Variants in NEDD9 observed in about 807,000 individuals in gnomAD.
NEDD9 encodes neural precursor cell expressed, developmentally down-regulated 9.
Under a neutral mutation model 76.6 loss-of-function variants are expected in NEDD9, and 26 were observed. The observed-to-expected ratio is 0.34, with a 90% CI of 0.25 to 0.47. NEDD9 has a LOEUF of 0.47. Ranked by LOEUF, NEDD9 falls within the 20% of genes least tolerant of loss-of-function variation. The pLI is 1.00. For missense variants in NEDD9, 937 were observed against 1,058.5 expected (o/e 0.89, Z 1.59); for synonymous variants, 392 against 414.2 (o/e 0.95, Z 0.65).
intron 3 of NEDD9, among the ~76,000 whole-genome samples, chr6:11,242,642 TTC>T (rs554623367): frequency 7.2e-5 from 11 of 152,230 alleles, no homozygotes; most frequent in Admixed American, 3.3e-4. Context: ...TGCATTTTTT[TTC>T]TCTCCTCTCA....
At chr6:11,353,468 G>A (rs1480530378) in intron 1 of NEDD9, among the ~76,000 whole-genome samples, 3 of 152,204 alleles carry the variant, frequency 2.0e-5, no homozygotes, top group African/African-American at 7.2e-5. Flanking sequence ...GCCCGGGGCT[G>A]CTGGAAGCTG....
chr6:11,277,937 C>T (rs751046713), intron 3 of NEDD9, among the ~76,000 whole-genome samples: 56 of 152,118 alleles, frequency 3.7e-4, no homozygotes, highest in African/African-American at 1.2e-3. Context: ...TGCCTTGCCT[C>T]TTGAGAAGCT....
rs371592773 is a variant in NEDD9, at chr6:11,352,625, G to T, written c.-213-18064C>A. On this transcript the variant is annotated intron_variant, in intron 1 of 3. Coordinates refer to the NEDD9 transcript ENST00000397378. ...AGAGTTTAAATTTTGGCTGAATTATGTAATACTTGTGTGACTTCAGGCAAG... is the reference window on the plus strand; with the variant it reads ...AGAGTTTAAATTTTGGCTGAATTATTTAATACTTGTGTGACTTCAGGCAAG... The T allele has an allele frequency of 7.1e-4, 108 of 152,278 alleles. 1 individual carries two copies. The highest frequency in any genetic ancestry group is 2.4e-3 in the African/African-American group (98 of 41,550). 9.4% of individuals were successfully genotyped at this position (152,278 alleles called of 1,614,324 possible).
chr6:11,357,384 G>T (rs375490735), intron 1 of NEDD9, among the ~76,000 whole-genome samples: 1 of 152,118 alleles, frequency 6.6e-6, no homozygotes, highest in African/African-American at 2.4e-5. Context: ...CACATCTTCC[G>T]TAGTCTGAGA....
intron 2 of NEDD9, among the ~76,000 whole-genome samples, chr6:11,330,930 C>T (rs545412833): frequency 5.9e-5 from 9 of 152,220 alleles, no homozygotes; most frequent in Admixed American, 2.0e-4. Flanking sequence ...CTCCGTAATC[C>T]GTTGTTTATC....
At chr6:11,298,995 T>C (rs934638717) in intron 3 of NEDD9, among the ~76,000 whole-genome samples, 4 of 152,142 alleles carry the variant, frequency 2.6e-5, no homozygotes, top group African/African-American at 7.2e-5. Context: ...GGTTGGACAG[T>C]GGATGCAGCC....
At chr6:11,347,695 G>A (rs1351651096) in intron 1 of NEDD9, among the ~76,000 whole-genome samples, 1 of 152,138 alleles carries the variant, frequency 6.6e-6, no homozygotes, top group East Asian at 1.9e-4. Flanking sequence ...CAAGACCCAC[G>A]TGATCATCTC....
chr6:11,266,960 A>T (rs1760212548), intron 3 of NEDD9, among the ~76,000 whole-genome samples: 1 of 152,370 alleles, frequency 6.6e-6, no homozygotes. Flanking sequence ...ATTGCTGTGA[A>T]TCAGGAGCAA....
At position 11,321,996 on chromosome 6, in the gene NEDD9, G is replaced by A. The variant is rs538034803; in HGVS notation, c.-153+12505C>T. Among the ~76,000 whole-genome samples the A allele has an allele frequency of 1.1e-3, 161 of 152,296 alleles. 1 individual carries two copies. Among genetic ancestry groups the A allele is most frequent in the Non-Finnish European group, 1.6e-3 (109 of 68,020 alleles). On this transcript the variant is annotated intron_variant, in intron 2 of 3. Transcript: ENST00000397378. The stretch of plus-strand genomic sequence containing the variant: ...ATACGCCATGGAATACTATGTAGCC[G>A]TAAAAATGAACAAGTTCATGTCCTT...
chr6:11,322,438 AAC>A (rs1290875028), intron 2 of NEDD9, among the ~76,000 whole-genome samples: 1 of 152,104 alleles, frequency 6.6e-6, no homozygotes, highest in Non-Finnish European at 1.5e-5. Flanking sequence ...AGGCTGCCCA[AAC>A]ACACAGAGGC....
intron 2 of NEDD9, among the ~76,000 whole-genome samples, chr6:11,319,038 C>T (rs749896868): frequency 6.6e-6 from 1 of 152,224 alleles, no homozygotes; most frequent in African/African-American, 2.4e-5. Context: ...TATGTTTCTG[C>T]CTTGTTTTTA....
chr6:11,312,592 C>T (rs1026633498), intron 2 of NEDD9, among the ~76,000 whole-genome samples: 3 of 151,870 alleles, frequency 2.0e-5, no homozygotes, highest in Non-Finnish European at 4.4e-5. Context: ...AGTTCCCAAT[C>T]TCTAAACTTT....
intron 1 of NEDD9, among the ~76,000 whole-genome samples, chr6:11,218,817 C>T (rs1471938381): frequency 4.6e-5 from 7 of 152,130 alleles, no homozygotes; most frequent in Non-Finnish European, 8.8e-5. Flanking sequence ...CTATGGGAGA[C>T]AGACAGCAGG....
intron 3 of NEDD9, among the ~76,000 whole-genome samples, chr6:11,297,421 T>C (rs1374537181): frequency 6.6e-6 from 1 of 152,100 alleles, no homozygotes; most frequent in African/African-American, 2.4e-5. Context: ...CTTTTAAGAG[T>C]ATTTATGAGT....
chr6:11,199,637 C>CTTTTTTTTTTTTTTTTTTTTTTTTTT lies in NEDD9; in HGVS notation c.460-5971_460-5946dup, dbSNP rs59651160. 9.3e-5 allele frequency: 4 copies of CTTTTTTTTTTTTTTTTTTTTTTTTTT among 43,110 alleles called. 1 individual carries two copies. The highest frequency in any genetic ancestry group is 8.6e-5 in the Non-Finnish European group (2 of 23,372). The allele number at this position is 43,110 out of a possible 1,614,324, so 2.7% of individuals were successfully genotyped here. On this transcript the variant is annotated intron_variant, in intron 2 of 6. Coordinates refer to ENST00000379446, the MANE Select transcript of NEDD9 (RefSeq NM_006403.4). ...AAAATGAAGAAAAGCTAGGAAAGATCTTTTTTTTTTTTTTTTTTTTTTTTT... is the reference window on the plus strand; with the variant it reads ...AAAATGAAGAAAAGCTAGGAAAGATCTTTTTTTTTTTTTTTTTTTTTTTTTTTTTTTTTTTTTTTTTTTTTTTTTTT...
At chr6:11,199,765 A>ATTCTCCTGCC (rs1758390320) in intron 2 of NEDD9, 1 of 141,490 alleles carries the variant, frequency 7.1e-6, no homozygotes, top group Non-Finnish European at 1.5e-5. Flanking sequence ...AGTTCACGCC[A>ATTCTCCTGCC]TTCTCCTGCC....
At chr6:11,300,618 G>A (rs1280656762) in intron 3 of NEDD9, among the ~76,000 whole-genome samples, 1 of 151,826 alleles carries the variant, frequency 6.6e-6, no homozygotes, top group African/African-American at 2.4e-5. Context: ...AGAGAGAAAG[G>A]TCGGGTTACC....
chr6:11,227,724 T>G (rs1341631296), intron 1 of NEDD9, among the ~76,000 whole-genome samples: 2 of 152,208 alleles, frequency 1.3e-5, no homozygotes, highest in Admixed American at 1.3e-4. Context: ...GTAGGCAACC[T>G]ATCTGAGTTA....
intron 1 of NEDD9, among the ~76,000 whole-genome samples, chr6:11,381,098 A>T (rs1167538262): frequency 6.6e-6 from 1 of 152,200 alleles, no homozygotes; most frequent in East Asian, 1.9e-4. Flanking sequence ...TTTTCCACCA[A>T]CTCCACTTTC....
Sources: gnomAD v4.1 joint callset for allele counts (sites outside exome capture counted in the v4.1 genomes callset) on GRCh38, gnomAD v4.1.1 for gene constraint, MANE v1.5 for transcripts, NCBI Gene and HGNC (gene_info 2026-07-23, HGNC 2026-07-21) for gene names.